The following DIS3L2 variants were observed in gnomAD, a reference collection of about 807,000 sequenced individuals.
The protein encoded by DIS3L2 is DIS3 like 3'-5' exoribonuclease 2, also known as DIS3-like exonuclease 2.
A neutral mutation model predicts 97.5 loss-of-function variants in DIS3L2; 34 were observed. The observed-to-expected ratio is 0.35, with a 90% CI of 0.27 to 0.46. The LOEUF is 0.46. DIS3L2 is among the 20% of genes least tolerant of loss of function. The probability of loss-of-function intolerance (pLI) is 1.00; values close to 1 mark genes in which losing one functional copy is unlikely to be tolerated. For synonymous variants in DIS3L2, 435 were observed against 445.2 expected (o/e 0.98, Z 0.29); for missense variants, 1,038 against 1,146.0 (o/e 0.91, Z 1.36).
intron 1 of DIS3L2, among the ~76,000 whole-genome samples, chr2:231,974,838 CTT>C (rs1216583701): frequency 6.6e-6 from 1 of 152,002 alleles, no homozygotes; most frequent in Admixed American, 6.6e-5. Context: ...CAAATCATCT[CTT>C]AAAAATACAG....
chr2:232,244,618 A>AC (rs1693197681), intron 11 of DIS3L2, among the ~76,000 whole-genome samples: 1 of 152,246 alleles, frequency 6.6e-6, no homozygotes, highest in African/African-American at 2.4e-5. Context: ...AGACGAGGGC[A>AC]CACATGTAAA....
chr2:232,182,398 G>A (rs1213024345), intron 9 of DIS3L2, among the ~76,000 whole-genome samples: 1 of 152,158 alleles, frequency 6.6e-6, no homozygotes, highest in South Asian at 2.1e-4. Flanking sequence ...TGCTGTTGTT[G>A]GATGGAGTGA....
chr2:232,087,784 T>G, intron 6 of DIS3L2, 63 bp downstream of exon 6: 1 of 1,291,196 alleles, frequency 7.7e-7, no homozygotes, highest in Non-Finnish European at 1.1e-6. Context: ...TGGAATTCCC[T>G]CTCTGCTGCA....
chr2:232,127,808 A>G (rs3103262), intron 6 of DIS3L2, among the ~76,000 whole-genome samples: 69,230 of 151,854 alleles, frequency 0.46, 18,692 homozygotes, highest in Non-Finnish European at 0.61. Context: ...TGCCATTCCT[A>G]TCTTGGGTCT....
At chr2:232,000,660 TTC>T (rs375060553) in intron 1 of DIS3L2, among the ~76,000 whole-genome samples, 3 of 141,780 alleles carry the variant, frequency 2.1e-5, no homozygotes, top group Admixed American at 7.1e-5. Flanking sequence ...TTCCTTTCCT[TTC>T]TCTTTCTCTC....
chr2:232,300,192 G>A, intron 14 of DIS3L2, 73 bp downstream of exon 14: 1 of 1,398,068 alleles, frequency 7.2e-7, no homozygotes, highest in Non-Finnish European at 1.0e-6. Context: ...TTCTGACACT[G>A]AGCTTCCATT....
chr2:232,109,709 AT>A (rs1697467270), intron 6 of DIS3L2, among the ~76,000 whole-genome samples: 1 of 152,140 alleles, frequency 6.6e-6, no homozygotes, highest in Admixed American at 6.5e-5. Flanking sequence ...ATATACACAA[AT>A]CAACTCAAGA....
intron 14 of DIS3L2, among the ~76,000 whole-genome samples, chr2:232,326,106 C>T (rs1224673564): frequency 1.3e-5 from 2 of 152,152 alleles, no homozygotes; most frequent in African/African-American, 4.8e-5. Flanking sequence ...CCCTGCTGAC[C>T]GGGTCATCTC....
At chr2:232,224,201 A>G (rs61093542) in intron 10 of DIS3L2, among the ~76,000 whole-genome samples, 1,751 of 152,334 alleles carry the variant, frequency 0.011, 36 homozygotes, top group African/African-American at 0.04. Flanking sequence ...CCACATATAT[A>G]TACAACCACA....
Position 232,077,955 on chromosome 2 carries a change from CTCTTTCTTTCTTTCTTTCTTTCTT to C in DIS3L2, c.367-9490_367-9467del, listed in dbSNP as rs538146324. ...TTTCTTTCTTTCTTTTTCTTTCTTT[CTCTTTCTTTCTTTCTTTCTTTCTT>C]TCTTTCTTTCTTTCTTTCTTTCTTT... On this transcript the variant is annotated intron_variant, in intron 5 of 20. Coordinates refer to ENST00000325385, the MANE Select transcript of DIS3L2 (RefSeq NM_152383.5). Among the ~76,000 whole-genome samples, 377 of 108,804 alleles carry C rather than the reference CTCTTTCTTTCTTTCTTTCTTTCTT, an allele frequency of 3.5e-3. 3 individuals carry two copies. The highest frequency in any genetic ancestry group is 9.8e-3 in the African/African-American group (259 of 26,558). The allele number at this position is 108,804 out of a possible 152,430, so 71.4% of individuals were successfully genotyped here.
chr2:231,964,001 G>A lies in DIS3L2; in HGVS notation c.-94+2236G>A, dbSNP rs574993908. Among the ~76,000 whole-genome samples, 5 of 152,310 alleles carry A rather than the reference G, an allele frequency of 3.3e-5. No homozygotes were observed. The South Asian group carries it at 1.0e-3, about 32-fold the overall frequency. On this transcript the variant is annotated intron_variant, in intron 1 of 20. Coordinates refer to ENST00000325385, the MANE Select transcript of DIS3L2 (RefSeq NM_152383.5). ...CCCAAAGTGCTGGAATTACAGGCAT[G>A]AGCTACTGTGCCTGACTGAGGTCTT...
At chr2:232,255,375 T>C (rs1395607382) in intron 12 of DIS3L2, among the ~76,000 whole-genome samples, 1 of 152,054 alleles carries the variant, frequency 6.6e-6, no homozygotes, top group African/African-American at 2.4e-5. Context: ...TCACCTGGAG[T>C]TGAAGTGGAG....
intron 10 of DIS3L2, among the ~76,000 whole-genome samples, chr2:232,228,811 T>A (rs1692715177): frequency 6.6e-6 from 1 of 152,240 alleles, no homozygotes; most frequent in South Asian, 2.1e-4. Context: ...AATTAAAGTT[T>A]ACATCTAAGC....
At chr2:232,117,750 G>A (rs1697772469) in intron 6 of DIS3L2, among the ~76,000 whole-genome samples, 1 of 152,192 alleles carries the variant, frequency 6.6e-6, no homozygotes, top group African/African-American at 2.4e-5. Context: ...GTGTGGCTGT[G>A]CTTTATCTTT....
chr2:232,000,264 T>C (rs1693839749), intron 1 of DIS3L2, among the ~76,000 whole-genome samples: 1 of 152,226 alleles, frequency 6.6e-6, no homozygotes, highest in Non-Finnish European at 1.5e-5. Context: ...ATTTTTGATC[T>C]GAATTCACAG....
chr2:231,962,436 C>CT (rs1437465776), intron 1 of DIS3L2, among the ~76,000 whole-genome samples: 67 of 122,980 alleles, frequency 5.4e-4, no homozygotes, highest in African/African-American at 2.2e-3. Context: ...TCTACCGTTA[C>CT]CTTTTTTTTT....
intron 5 of DIS3L2, among the ~76,000 whole-genome samples, chr2:232,086,613 G>GTGTATATA (rs1553605996): frequency 9.6e-6 from 1 of 103,760 alleles, no homozygotes; most frequent in African/African-American, 3.8e-5. Flanking sequence ...GTGTGTGTGT[G>GTGTATATA]TATATATATA....
intron 9 of DIS3L2, among the ~76,000 whole-genome samples, chr2:232,181,326 T>C (rs1167865726): frequency 6.6e-6 from 1 of 152,178 alleles, no homozygotes; most frequent in Admixed American, 6.5e-5. Flanking sequence ...CTTTGTGGCG[T>C]TCTCTGTATT....
intron 14 of DIS3L2, among the ~76,000 whole-genome samples, chr2:232,300,724 G>A (rs1171709544): frequency 6.8e-6 from 1 of 147,976 alleles, no homozygotes; most frequent in Non-Finnish European, 1.5e-5. Context: ...ATAGAATCGT[G>A]GCTCACTGCA....
Sources: gnomAD v4.1 joint callset for allele counts (sites outside exome capture counted in the v4.1 genomes callset) on GRCh38, gnomAD v4.1.1 for gene constraint, MANE v1.5 for transcripts, NCBI Gene and HGNC (gene_info 2026-07-23, HGNC 2026-07-21) for gene names.